Variants in TPM2 observed in about 807,000 individuals in gnomAD.
TPM2 encodes the protein tropomyosin 2, also known as tropomyosin beta chain.
Under a neutral mutation model 41.0 loss-of-function variants are expected in TPM2, and 26 were observed. That is an observed-to-expected ratio of 0.63 (90% confidence interval 0.46 to 0.88). The LOEUF (loss-of-function observed/expected upper bound fraction) is 0.88. TPM2 is among the 40% of genes least tolerant of loss of function. The pLI, the probability that TPM2 is intolerant of heterozygous loss-of-function variation, is 0.00. For synonymous variants in TPM2, 143 were observed against 139.3 expected (o/e 1.03, Z -0.19); for missense variants, 187 against 355.2 (o/e 0.53, Z 3.81).
chr9:35,685,558 G>A lies in TPM2; in HGVS notation c.375-7C>T. 2 of 1,614,156 alleles carry A rather than the reference G, an allele frequency of 1.2e-6. No homozygotes were observed. The highest frequency in any genetic ancestry group is 1.7e-6 in the Non-Finnish European group (2 of 1,180,032). ...TTCGATGACCTTCATTCCTCTGAAAGGCAGGGAGAGGGTGAGCGTAGGGTC... is the reference window on the plus strand; with the variant it reads ...TTCGATGACCTTCATTCCTCTGAAAAGCAGGGAGAGGGTGAGCGTAGGGTC... On this transcript the variant is annotated splice_polypyrimidine_tract_variant and splice_region_variant and intron_variant, in intron 3 of 8. Coordinates refer to ENST00000645482, the MANE Select transcript of TPM2 (RefSeq NM_003289.4). This position sits in a 1 kb window ranked among gnomAD's most constrained non-coding sequence, Gnocchi z 5.0.
At chr9:35,686,636 C>A (rs1394629969) in intron 2 of TPM2, among the ~76,000 whole-genome samples, 141 of 104,312 alleles carry the variant, frequency 1.4e-3, no homozygotes, top group South Asian at 2.1e-3. Context: ...GATCCCATCT[C>A]AAAAAAAAAA....
At position 35,685,752 on chromosome 9, in the gene TPM2, C is replaced by T. The variant is rs1563929454; in HGVS notation, c.269G>A (p.Arg90His). The T allele has an allele frequency of 6.2e-7, 1 of 1,614,196 alleles. No individual in the cohort carries two copies. Among genetic ancestry groups the T allele is most frequent in the Non-Finnish European group, 8.5e-7 (1 of 1,180,028 alleles). Reference sequence around the variant, plus strand: ...CTCCTCCTCAACCAGCTGAATGCGGCGGTTCAGGGAGGCCACATCTGCCTC... The same window carrying T: ...CTCCTCCTCAACCAGCTGAATGCGGTGGTTCAGGGAGGCCACATCTGCCTC... ...DAEADVASLN[R>H]RIQLVEEELD... Residue 90 changes from arginine (R) to histidine (H), a missense_variant, in exon 3 of 9, where the codon CGC (arginine) becomes CAC (histidine). Arg to His is a conservative substitution (Grantham distance 29, BLOSUM62 0). Coordinates refer to ENST00000645482, the MANE Select transcript of TPM2 (RefSeq NM_003289.4). The surrounding 1 kb of genome is among the most constrained non-coding windows in gnomAD (Gnocchi z 5.0).
chr9:35,689,598 TGAGA>T (rs1226868451), intron 1 of TPM2, 102 bp downstream of exon 1: 2 of 1,582,778 alleles, frequency 1.3e-6, no homozygotes, highest in Admixed American at 3.4e-5. Context: ...CCACCCTGGG[TGAGA>T]GAGAGCCTTG....
At chr9:35,689,357 G>A (rs1825120505) in intron 1 of TPM2, 86 bp from the exon 2 acceptor site, 1 of 1,581,566 alleles carries the variant, frequency 6.3e-7, no homozygotes, top group Non-Finnish European at 8.6e-7. Flanking sequence ...GCGCTACTAA[G>A]ATTTGGAGGC....
downstream of TPM2, chr9:35,682,160 G>C (rs1197412497): frequency 4.3e-6 from 7 of 1,614,044 alleles, no homozygotes; most frequent in Non-Finnish European, 5.9e-6. Flanking sequence ...ACTGGCCAAG[G>C]TCTCTGTGAG....
At chr9:35,690,050 C>A (rs923014645), upstream of TPM2, 1 of 1,346,664 alleles carries the variant, frequency 7.4e-7, no homozygotes, top group Non-Finnish European at 9.6e-7. Flanking sequence ...CCGGGGGGTG[C>A]GGCCGCCCCC....
Position 35,683,061 on chromosome 9 carries a change from G to A in TPM2, c.*98C>T, listed in dbSNP as rs990117263. The stretch of plus-strand genomic sequence containing the variant: ...GCTGCTCCCAGCCTGGCTGTGCAAT[G>A]TTGGCAATTTCTGCTCCTCCTGCCT... On this transcript the variant is annotated 3_prime_UTR_variant, in exon 9 of 9. Coordinates refer to ENST00000645482, the MANE Select transcript of TPM2 (RefSeq NM_003289.4). 6.4e-7 allele frequency: 1 copy of A among 1,551,260 alleles called. No individual in the cohort carries two copies.
In TPM2 at chr9:35,684,779, T is replaced by C. The variant is rs769046289; in HGVS notation, c.592A>G (p.Lys198Glu). 1 of 1,613,676 alleles carries C rather than the reference T, an allele frequency of 6.2e-7. No homozygotes were observed. Among genetic ancestry groups the C allele is most frequent in the Non-Finnish European group, 8.5e-7 (1 of 1,179,956 alleles). The change falls in exon 6 of 9, where the codon AAA becomes GAA. Residue 198 changes from lysine to glutamate, a missense_variant. By Grantham distance (56) the Lys-to-Glu change is moderately conservative. Coordinates refer to ENST00000645482, the MANE Select transcript of TPM2 (RefSeq NM_003289.4). Reference sequence around the variant, plus strand: ...GATTTCAAGTTGTTGGTAACAATTTTCAGCTCCTCCTCTAGGTCCCCACAT... The same window carrying C: ...GATTTCAAGTTGTTGGTAACAATTTCCAGCTCCTCCTCTAGGTCCCCACAT... ...SKCGDLEEEL[K>E]IVTNNLKSLE...
At position 35,689,773 on chromosome 9, in the gene TPM2, C is replaced by T; in HGVS notation, c.45G>A (p.Lys15=). The T allele has an allele frequency of 6.2e-7, 1 of 1,613,832 alleles. No homozygotes were observed. Among genetic ancestry groups the T allele is most frequent in the Non-Finnish European group, 8.5e-7 (1 of 1,179,764 alleles). ...GCTCGGCGCGGTCGATGGCGTTCTCCTTGTCCAGCTTCAGCATCTGCATCT... is the reference window on the plus strand; with the variant it reads ...GCTCGGCGCGGTCGATGGCGTTCTCTTTGTCCAGCTTCAGCATCTGCATCT... ...KKKMQMLKLD[K]ENAIDRAEQA... The change falls in exon 1 of 9, where the codon AAG becomes AAA. Residue 15 remains lysine (K), a synonymous_variant. Transcript: ENST00000645482.
chr9:35,689,469 GACC>G (rs1825126279), intron 1 of TPM2, 198 bp from the exon 2 acceptor site: 2 of 898,866 alleles, frequency 2.2e-6, no homozygotes, highest in South Asian at 1.0e-4. Flanking sequence ...CAAGGAGCAG[GACC>G]AACCGCGCTC....
chr9:35,683,116 G>A lies in TPM2; in HGVS notation c.*43C>T. On this transcript the variant is annotated 3_prime_UTR_variant, in exon 9 of 9. Transcript: ENST00000645482. ...CCCTCCCCATAGAGAGAATGGAAAG[G>A]AGAGGAGAGAAGAGAGCTGAGGTGG... The A allele has an allele frequency of 6.4e-7, 1 of 1,551,910 alleles. No homozygotes were observed. Among genetic ancestry groups the A allele is most frequent in the Non-Finnish European group, 8.7e-7 (1 of 1,147,042 alleles).
At chr9:35,682,339 A>C, downstream of TPM2, 1 of 954,770 alleles carries the variant, frequency 1.0e-6, no homozygotes, top group Non-Finnish European at 1.6e-6. Context: ...GATGAGGGGA[A>C]CAGGACGGAC....
rs866348143 is a variant in TPM2, at chr9:35,685,134, G to A, written c.563+135C>T. 1 of 1,614,134 alleles carries A rather than the reference G, an allele frequency of 6.2e-7. No homozygotes were observed. The highest frequency in any genetic ancestry group is 8.5e-7 in the Non-Finnish European group (1 of 1,180,026). On this transcript the variant is annotated intron_variant, in intron 5 of 8. Coordinates refer to ENST00000645482, the MANE Select transcript of TPM2 (RefSeq NM_003289.4). The surrounding 1 kb of genome is among the most constrained non-coding windows in gnomAD (Gnocchi z 5.0). ...TCGAAGTTCCTCCTCCAGCTGTCTG[G>A]CTCGGCTGGGGGCAGCGGGCAGGGG...
intron 1 of TPM2, chr9:35,689,493 G>A: frequency 1.2e-6 from 1 of 866,948 alleles, no homozygotes; most frequent in Non-Finnish European, 1.4e-6. Context: ...TGCAAAGGCA[G>A]AGTGGAAACC....
chr9:35,683,228 G>A lies in TPM2; in HGVS notation c.786C>T (p.Ala262=). 6.5e-7 allele frequency: 1 copy of A among 1,538,144 alleles called. No individual in the cohort carries two copies. The highest frequency in any genetic ancestry group is 8.8e-7 in the Non-Finnish European group (1 of 1,135,104). ...TAATGGCCTTGTACTTCATCTTCTGGGCATAGACTTCATCTGGGGGGGGTC... is the reference window on the plus strand; with the variant it reads ...TAATGGCCTTGTACTTCATCTTCTGAGCATAGACTTCATCTGGGGGGGGTC... The part of the protein sequence containing the change: ...TIDDLEDEVY[A]QKMKYKAISE... Residue 262 remains alanine (A), a synonymous_variant, in exon 9 of 9, where the codon GCC becomes GCT. Coordinates refer to ENST00000645482, the MANE Select transcript of TPM2 (RefSeq NM_003289.4).
Position 35,685,635 on chromosome 9 carries a change from G to A in TPM2, c.374+12C>T. On this transcript the variant is annotated intron_variant, in intron 3 of 8. Coordinates refer to ENST00000645482, the MANE Select transcript of TPM2 (RefSeq NM_003289.4). The surrounding 1 kb of genome is among the most constrained non-coding windows in gnomAD (Gnocchi z 5.0). Reference sequence around the variant, plus strand: ...TCCCTCCCGGACCATCCTCCCCGAGGCCCCTGACCACCTCTCGCTCTCATC... The same window carrying A: ...TCCCTCCCGGACCATCCTCCCCGAGACCCCTGACCACCTCTCGCTCTCATC... The A allele has an allele frequency of 6.2e-7, 1 of 1,614,114 alleles. No homozygotes were observed. Among genetic ancestry groups the A allele is most frequent in the South Asian group, 1.1e-5 (1 of 91,076 alleles).
downstream of TPM2, chr9:35,682,165 T>C: frequency 1.2e-6 from 2 of 1,614,014 alleles, no homozygotes; most frequent in Non-Finnish European, 8.5e-7. Context: ...CCAAGGTCTC[T>C]GTGAGGGGAA....
In TPM2 at chr9:35,689,842, C is replaced by G; in HGVS notation, c.-25G>C. ...TGGCTGCGGTGGGGGGTGGGCCGGC[C>G]GGCAGGCGGTGAGGACCGGACGGAC... On this transcript the variant is annotated 5_prime_UTR_variant, in exon 1 of 9. Coordinates refer to ENST00000645482, the MANE Select transcript of TPM2 (RefSeq NM_003289.4). The G allele has an allele frequency of 6.2e-7, 1 of 1,613,078 alleles. No individual in the cohort carries two copies. The highest frequency in any genetic ancestry group is 2.2e-5 in the East Asian group (1 of 44,828).
rs1350040467 is a variant in TPM2 at position 35,685,181 on chromosome 9, T to C, written c.563+88A>G. The C allele has an allele frequency of 1.2e-6, 2 of 1,614,104 alleles. No homozygotes were observed. On this transcript the variant is annotated intron_variant, in intron 5 of 8. Transcript: ENST00000645482. The surrounding 1 kb of genome is among the most constrained non-coding windows in gnomAD (Gnocchi z 5.0). Reference sequence around the variant, plus strand: ...GGGGTCAGAGAACAGGGCCTGTCCCTACAGCCCCAAGCCTAGGATGCTACC... The same window carrying C: ...GGGGTCAGAGAACAGGGCCTGTCCCCACAGCCCCAAGCCTAGGATGCTACC...
Sources: allele counts gnomAD v4.1 joint callset (sites outside exome capture counted in the v4.1 genomes callset), GRCh38; gene constraint gnomAD v4.1.1; non-coding constraint Gnocchi (gnomAD v3.1); transcripts MANE v1.5; gene names NCBI Gene and HGNC (gene_info 2026-07-23, HGNC 2026-07-21).